AK7: variants seen among roughly 807,000 people sequenced by gnomAD.
The protein encoded by AK7 is ATP-AMP transphosphorylase 7.
Under a neutral mutation model 96.6 loss-of-function variants are expected in AK7, and 78 were observed. The observed-to-expected ratio is 0.81, with a 90% CI of 0.67 to 0.97. The LOEUF is 0.97. Ranked by LOEUF, AK7 falls within the 50% of genes least tolerant of loss-of-function variation. The pLI, the probability that AK7 is intolerant of heterozygous loss-of-function variation, is 0.00. For synonymous variants in AK7, 302 were observed against 317.2 expected (o/e 0.95, Z 0.51); for missense variants, 855 against 887.9 (o/e 0.96, Z 0.47).
At chr14:96,404,163 A>C (rs1008609459) in intron 2 of AK7, among the ~76,000 whole-genome samples, 12 of 151,456 alleles carry the variant, frequency 7.9e-5, no homozygotes, top group East Asian at 1.9e-4. Context: ...AAAAAAAAAA[A>C]AAAAAAAAAA....
At chr14:96,407,554 C>T (rs1890778503) in intron 3 of AK7, among the ~76,000 whole-genome samples, 1 of 149,350 alleles carries the variant, frequency 6.7e-6, no homozygotes, top group South Asian at 2.1e-4. Context: ...CACTTTGCAG[C>T]TCTGATATGT....
At chr14:96,444,629 G>T (rs1893129803) in intron 7 of AK7, among the ~76,000 whole-genome samples, 1 of 152,064 alleles carries the variant, frequency 6.6e-6, no homozygotes, top group Admixed American at 6.5e-5. Context: ...GTCTTCAATA[G>T]GCATGATAAT....
chr14:96,467,181 C>T (rs1164664975), intron 12 of AK7, among the ~76,000 whole-genome samples: 3 of 152,012 alleles, frequency 2.0e-5, no homozygotes, highest in African/African-American at 7.3e-5. Context: ...GTCCGTTGTG[C>T]CTCAGTTAGT....
chr14:96,398,033 T>C, intron 1 of AK7, 42 bp from the exon 2 acceptor site: 2 of 1,589,388 alleles, frequency 1.3e-6, no homozygotes, highest in East Asian at 2.2e-5. Flanking sequence ...CCCCTGACTC[T>C]AATTTTCTCT....
At chr14:96,430,793 G>T (rs1381600564) in intron 5 of AK7, among the ~76,000 whole-genome samples, 1 of 152,196 alleles carries the variant, frequency 6.6e-6, no homozygotes, top group Non-Finnish European at 1.5e-5. Flanking sequence ...CTCATAAAAT[G>T]AGTTAGGGAG....
Position 96,478,754 on chromosome 14 carries a change from G to T in AK7, c.1753+92G>T, listed in dbSNP as rs532648569. ...CTGTAATTGTGGGGCTGGGGGGAGGGTGGGGAGTGTAATCATGGGTTGGGG... is the reference window on the plus strand; with the variant it reads ...CTGTAATTGTGGGGCTGGGGGGAGGTTGGGGAGTGTAATCATGGGTTGGGG... On this transcript the variant is annotated intron_variant, in intron 15 of 17. Transcript: ENST00000267584. 727 of 1,291,180 alleles carry T rather than the reference G, an allele frequency of 5.6e-4. 1 individual carries two copies. The highest frequency in any genetic ancestry group is 7.4e-4 in the Non-Finnish European group (689 of 926,466). 80.0% of individuals were successfully genotyped at this position (1,291,180 alleles called of 1,614,324 possible).
rs2139983734 is a variant in AK7, at chr14:96,399,974, A to AT, written c.294+1713dup. On this transcript the variant is annotated intron_variant, in intron 2 of 17. Coordinates refer to ENST00000267584, the MANE Select transcript of AK7 (RefSeq NM_152327.5). This position sits in a 1 kb window ranked among gnomAD's most constrained non-coding sequence, Gnocchi z 4.1. ...ACCAGTCCCCGGTTGTCCTGCAGGC[A>AT]TTGCTGAATCAACATATCCAAAATC... is the stretch of plus-strand genomic sequence containing the variant. Among the ~76,000 whole-genome samples the AT allele has an allele frequency of 6.6e-6, 1 of 150,576 alleles. No individual in the cohort carries two copies. The highest frequency in any genetic ancestry group is 2.1e-4 in the South Asian group (1 of 4,774).
intron 16 of AK7, among the ~76,000 whole-genome samples, chr14:96,485,248 G>A (rs1052903954): frequency 6.6e-6 from 1 of 152,128 alleles, no homozygotes; most frequent in African/African-American, 2.4e-5. Flanking sequence ...TGTTTGTTAA[G>A]CATTTATGTT....
At chr14:96,455,922 A>C (rs1893872646) in intron 10 of AK7, among the ~76,000 whole-genome samples, 1 of 152,066 alleles carries the variant, frequency 6.6e-6, no homozygotes, top group East Asian at 1.9e-4. Flanking sequence ...GTTAGCCTGC[A>C]GGGTCCAGAG....
In AK7 at chr14:96,472,833, G is replaced by A. The variant is rs560357345; in HGVS notation, c.1555+78G>A. 8 of 1,267,774 alleles carry A rather than the reference G, an allele frequency of 6.3e-6. No homozygotes were observed. In the Admixed American group the frequency reaches 7.6e-5, roughly 12 times the overall value. The allele number at this position is 1,267,774 out of a possible 1,614,324, so 78.5% of individuals were successfully genotyped here. A position where few individuals can be genotyped will look rare whatever the true frequency, so the allele number is the denominator to read the frequency against. On this transcript the variant is annotated intron_variant, in intron 14 of 17. Transcript: ENST00000267584. ...GTGGTGGCTCACGCCTGTAATCTCA[G>A]AACTTTGGGAGGCCAAGGCGGGTGG...
chr14:96,480,429 C>CA (rs113409063), intron 15 of AK7, among the ~76,000 whole-genome samples: 2,169 of 132,440 alleles, frequency 0.016, 52 homozygotes, highest in African/African-American at 0.051. Context: ...GACTCTGTCT[C>CA]AAAAAAAAAA....
At chr14:96,397,661 A>T (rs1263344998) in intron 1 of AK7, among the ~76,000 whole-genome samples, 2 of 152,194 alleles carry the variant, frequency 1.3e-5, no homozygotes, top group Non-Finnish European at 2.9e-5. Flanking sequence ...AGGCTGAGGC[A>T]GGAGGACCCC....
At chr14:96,451,297 A>T in intron 9 of AK7, 124 bp from the exon 10 acceptor site, 1 of 789,102 alleles carries the variant, frequency 1.3e-6, no homozygotes, top group Non-Finnish European at 1.9e-6. Context: ...GTGCTGGATT[A>T]ATTGACTTCC....
intron 4 of AK7, among the ~76,000 whole-genome samples, chr14:96,414,780 T>C (rs1045874936): frequency 7.2e-6 from 1 of 139,406 alleles, no homozygotes; most frequent in Non-Finnish European, 1.5e-5. Flanking sequence ...TTTTTTTTTT[T>C]AGTGTGGTGC....
chr14:96,447,624 G>A (rs550100294), intron 8 of AK7, among the ~76,000 whole-genome samples: 6 of 151,328 alleles, frequency 4.0e-5, no homozygotes, highest in Non-Finnish European at 8.9e-5. Flanking sequence ...GCCTGGCTAA[G>A]TTTGTTTTTA....
In AK7 at chr14:96,483,151, G is replaced by A. The variant is rs749364599; in HGVS notation, c.1906G>A (p.Glu636Lys). 4.3e-6 allele frequency: 7 copies of A among 1,613,926 alleles called. No homozygotes were observed. In the South Asian group the frequency reaches 7.7e-5, roughly 18 times the overall value. ...GGAGCGGCTGGCCAGGGAGGCTGCTGAGGAAGCAGAACGCGAGCACCAGGA... is the reference window on the plus strand; with the variant it reads ...GGAGCGGCTGGCCAGGGAGGCTGCTAAGGAAGCAGAACGCGAGCACCAGGA... ...AEERLAREAA[E>K]EAEREHQEAV... Residue 636 changes from glutamate to lysine, a missense_variant, in exon 16 of 18, where the codon GAG becomes AAG. Transcript: ENST00000267584.
chr14:96,400,030 C>CTTTTTT (rs34001068), intron 2 of AK7, among the ~76,000 whole-genome samples: 3 of 86,344 alleles, frequency 3.5e-5, no homozygotes, highest in Admixed American at 1.4e-4. Context: ...CAAAAACAAT[C>CTTTTTT]TTTTTTTTTT....
intron 15 of AK7, among the ~76,000 whole-genome samples, chr14:96,481,978 G>A (rs1329295626): frequency 6.6e-6 from 1 of 152,174 alleles, no homozygotes; most frequent in Non-Finnish European, 1.5e-5. Context: ...TTACAGGTGT[G>A]AGCCACCATG....
intron 15 of AK7, among the ~76,000 whole-genome samples, chr14:96,479,199 C>G (rs1393558438): frequency 1.3e-5 from 2 of 152,018 alleles, no homozygotes; most frequent in African/African-American, 4.8e-5. Context: ...GCCTCAGCCT[C>G]CCGAGTAGCT....
Sources: gnomAD v4.1 joint callset for allele counts (sites outside exome capture counted in the v4.1 genomes callset) on GRCh38, gnomAD v4.1.1 for gene constraint, Gnocchi (gnomAD v3.1) non-coding constraint, MANE v1.5 for transcripts, NCBI Gene and HGNC (gene_info 2026-07-23, HGNC 2026-07-21) for gene names.